ZNF469: variants seen among roughly 807,000 people sequenced by gnomAD.
The protein encoded by ZNF469 is zinc finger protein 469.
Under a neutral mutation model 1.0 loss-of-function variants are expected in ZNF469, and 1 was observed. The observed-to-expected ratio is 1.00, with a 90% confidence interval of 0.35 to 4.73. The LOEUF (loss-of-function observed/expected upper bound fraction) is 4.73. Among genes scored for constraint, ZNF469 ranks in the 30% most tolerant of loss-of-function variants. The pLI is 0.16. For synonymous variants in ZNF469, 2,703 were observed against 2,363.4 expected, an observed-to-expected ratio of 1.14 and a Z score of -4.17; for missense variants, 6,100 against 5,356.3, an observed-to-expected ratio of 1.14 and a Z score of -4.33.
the ZNF469 span, among the ~76,000 whole-genome samples, chr16:88,254,006 T>G: frequency 6.6e-6 from 1 of 152,188 alleles, no homozygotes; most frequent in Admixed American, 6.5e-5. Context: ...TGAGCAGAAA[T>G]TATCAATTTT....
the ZNF469 span, among the ~76,000 whole-genome samples, chr16:88,286,288 G>A: frequency 3.9e-5 from 6 of 152,242 alleles, no homozygotes; most frequent in Admixed American, 2.0e-4. Flanking sequence ...AGCTAACTGT[G>A]CAACAAGATT....
chr16:88,251,536 G>GTGTTTTGT, the ZNF469 span, among the ~76,000 whole-genome samples: 4 of 78,786 alleles, frequency 5.1e-5, no homozygotes, highest in Non-Finnish European at 9.3e-5. Flanking sequence ...TGTCCCTGCT[G>GTGTTTTGT]TCTTTTTTTT....
At chr16:88,388,112 G>A (rs775059903) in intron 1 of ZNF469, among the ~76,000 whole-genome samples, 3 of 152,246 alleles carry the variant, frequency 2.0e-5, no homozygotes, top group Non-Finnish European at 4.4e-5. Context: ...GAGAGCGGCC[G>A]AGCAGGCGCG....
chr16:88,152,438 G>T, the ZNF469 span, among the ~76,000 whole-genome samples: 1 of 152,188 alleles, frequency 6.6e-6, no homozygotes, highest in Admixed American at 6.5e-5. This position sits in a 1 kb window ranked among gnomAD's most constrained non-coding sequence, Gnocchi z 4.2. Flanking sequence ...TGGGGCCGGG[G>T]CCTCGGCAGC....
chr16:88,351,947 G>A, the ZNF469 span, among the ~76,000 whole-genome samples: 1 of 152,224 alleles, frequency 6.6e-6, no homozygotes, highest in East Asian at 1.9e-4. Flanking sequence ...TCCCACGTGA[G>A]GAAGGGAGGC....
At chr16:88,381,321 CAG>C (rs374292302), upstream of ZNF469, among the ~76,000 whole-genome samples, 519 of 150,554 alleles carry the variant, frequency 3.4e-3, 3 homozygotes, top group African/African-American at 0.012. Context: ...CACTCACACA[CAG>C]AGACATGCAC....
chr16:88,142,215 C>T, the ZNF469 span, among the ~76,000 whole-genome samples: 1 of 152,222 alleles, frequency 6.6e-6, no homozygotes, highest in East Asian at 1.9e-4. Flanking sequence ...GCTGTCCTTC[C>T]TGCAAGACCC....
the ZNF469 span, among the ~76,000 whole-genome samples, chr16:88,208,801 ACACTCTCT>A: frequency 4.9e-4 from 10 of 20,210 alleles, no homozygotes; most frequent in African/African-American, 9.3e-4. Context: ...ACACACACAC[ACACTCTCT>A]CTCTCTCTCT....
rs544693811 is a variant in ZNF469, at chr16:88,428,304, G to C, written c.834G>C (p.Pro278=). The C allele has an allele frequency of 3.2e-6, 5 of 1,550,274 alleles. No individual in the cohort carries two copies. The highest frequency in any genetic ancestry group is 2.0e-5 in the Admixed American group (1 of 51,004). ...GAGTTTCCTTCCAGTTCCCCTTCCC[G>C]GCACTGCATGGGGCCAGCACAAAAC... ...PRGVSFQFPF[P]ALHGASTKPF... is the part of the protein sequence containing the mutation. Residue 278 remains proline (P), a synonymous_variant, in exon 3 of 3, where the codon CCG becomes CCC. Coordinates refer to ENST00000565624, the MANE Select transcript of ZNF469 (RefSeq NM_001367624.2).
the ZNF469 span, among the ~76,000 whole-genome samples, chr16:88,331,254 AT>A: frequency 2.0e-5 from 3 of 151,724 alleles, no homozygotes; most frequent in East Asian, 5.8e-4. Flanking sequence ...CATCGTCACC[AT>A]CACCATCACC....
the ZNF469 span, among the ~76,000 whole-genome samples, chr16:88,168,506 C>A: frequency 1.1e-4 from 16 of 151,860 alleles, no homozygotes; most frequent in African/African-American, 2.7e-4. The surrounding 1 kb of genome is among the most constrained non-coding windows in gnomAD (Gnocchi z 4.3). Flanking sequence ...TGGGGTTGCT[C>A]GTGTGTGATT....
At chr16:88,107,324 C>A in the ZNF469 span, among the ~76,000 whole-genome samples, 1 of 152,170 alleles carries the variant, frequency 6.6e-6, no homozygotes, top group African/African-American at 2.4e-5. Context: ...ACAATCATGG[C>A]GGAAGGCGAA....
chr16:88,346,295 A>T, the ZNF469 span, among the ~76,000 whole-genome samples: 1 of 152,118 alleles, frequency 6.6e-6, no homozygotes, highest in African/African-American at 2.4e-5. Flanking sequence ...ACCTCTGCTG[A>T]CCACGAGGCC....
Position 88,432,226 on chromosome 16 carries a change from A to C in ZNF469, c.4756A>C (p.Arg1586=), listed in dbSNP as rs1169461094. The change falls in exon 3 of 3, where the codon AGA becomes CGA. Residue 1586 remains arginine (R), a synonymous_variant. Coordinates refer to ENST00000565624, the MANE Select transcript of ZNF469 (RefSeq NM_001367624.2). ...QRSKDTRGAP[R]ELAEAESVGR... is the part of the protein sequence containing the mutation. ...GAGCAAAGACACACGTGGGGCCCCG[A>C]GAGAGCTTGCAGAAGCTGAGTCGGT... The C allele has an allele frequency of 9.7e-6, 15 of 1,549,706 alleles. No homozygotes were observed. Among genetic ancestry groups the C allele is most frequent in the Non-Finnish European group, 1.3e-5 (15 of 1,146,978 alleles).
At chr16:88,144,848 CTT>C in the ZNF469 span, among the ~76,000 whole-genome samples, 2 of 150,238 alleles carry the variant, frequency 1.3e-5, no homozygotes, top group East Asian at 2.0e-4. Flanking sequence ...TTTTGCCCCC[CTT>C]TTTTTTTTTC....
chr16:88,269,200 T>C, the ZNF469 span, among the ~76,000 whole-genome samples: 2 of 152,176 alleles, frequency 1.3e-5, no homozygotes, highest in Non-Finnish European at 2.9e-5. Context: ...GTCTTTCCAC[T>C]TTCCACGGCC....
the ZNF469 span, among the ~76,000 whole-genome samples, chr16:88,356,983 C>T: frequency 1.3e-5 from 2 of 152,248 alleles, no homozygotes; most frequent in African/African-American, 4.8e-5. Context: ...GCTGTGGTGG[C>T]ACATGGTGGG....
the ZNF469 span, among the ~76,000 whole-genome samples, chr16:88,368,167 G>A: frequency 1.3e-5 from 2 of 152,256 alleles, no homozygotes; most frequent in African/African-American, 4.8e-5. Context: ...GCTGCCCAGG[G>A]GCAAGCTTGG....
intron 1 of ZNF469, among the ~76,000 whole-genome samples, chr16:88,396,738 C>A (rs538264398): frequency 1.3e-5 from 2 of 148,570 alleles, no homozygotes; most frequent in Admixed American, 6.7e-5. Context: ...CGGGAGGAGA[C>A]CCTCATAAAG....
Sources: allele counts gnomAD v4.1 joint callset (sites outside exome capture counted in the v4.1 genomes callset), GRCh38; gene constraint gnomAD v4.1.1; non-coding constraint Gnocchi (gnomAD v3.1); transcripts MANE v1.5; gene names NCBI Gene and HGNC (gene_info 2026-07-23, HGNC 2026-07-21).